C12orf56: variants seen among roughly 807,000 people sequenced by gnomAD.
The protein encoded by C12orf56 is uncharacterized protein C12orf56.
C12orf56 carries 71 observed loss-of-function variants against 69.9 expected under a neutral mutation model. The ratio of observed to expected loss-of-function variants is 1.02; its 90% CI spans 0.84 to 1.24. The LOEUF (loss-of-function observed/expected upper bound fraction) is 1.24, where lower values mean the gene tolerates loss of function less well. Among genes scored for constraint, C12orf56 ranks in the 50% most tolerant of loss-of-function variants. The pLI, the probability that C12orf56 is intolerant of heterozygous loss-of-function variation, is 0.00. For missense variants in C12orf56, 732 were observed against 738.5 expected (o/e 0.99, Z 0.10); for synonymous variants, 276 against 274.1 (o/e 1.01, Z -0.07).
At chr12:64,377,293 C>T (rs1488715705) in intron 1 of C12orf56, among the ~76,000 whole-genome samples, 2 of 149,542 alleles carry the variant, frequency 1.3e-5, no homozygotes, top group East Asian at 2.0e-4. Flanking sequence ...TGGATTCAAA[C>T]GATTCTCAGC....
chr12:64,277,000 A>T (rs1407405873), intron 9 of C12orf56, among the ~76,000 whole-genome samples: 1 of 89,374 alleles, frequency 1.1e-5, no homozygotes. Context: ...TCTTAAAAAA[A>T]AAAAAAAAAA....
At chr12:64,269,568 A>T (rs2037955079) in intron 12 of C12orf56, among the ~76,000 whole-genome samples, 1 of 150,486 alleles carries the variant, frequency 6.6e-6, no homozygotes, top group Non-Finnish European at 1.5e-5. Flanking sequence ...ATAATTTATT[A>T]TCCTCTTCAG....
chr12:64,316,163 T>C (rs754119004), intron 4 of C12orf56, among the ~76,000 whole-genome samples: 3 of 152,080 alleles, frequency 2.0e-5, no homozygotes, highest in Non-Finnish European at 4.4e-5. Flanking sequence ...GGAGTGCAAG[T>C]GGCACAATCT....
intron 1 of C12orf56, 30 bp downstream of exon 1, chr12:64,390,284 C>T (rs770674395): frequency 6.3e-7 from 1 of 1,575,442 alleles, no homozygotes; most frequent in Non-Finnish European, 8.6e-7. Context: ...ACTGCGCTCC[C>T]GAGCCCGCCT....
At chr12:64,313,562 T>C (rs2038651088) in intron 4 of C12orf56, among the ~76,000 whole-genome samples, 1 of 151,374 alleles carries the variant, frequency 6.6e-6, no homozygotes, top group South Asian at 2.1e-4. Context: ...TTTTTAAAAG[T>C]ATCTATCGTC....
chr12:64,333,660 C>A (rs1239061291), intron 2 of C12orf56, among the ~76,000 whole-genome samples: 1 of 152,148 alleles, frequency 6.6e-6, no homozygotes, highest in Admixed American at 6.5e-5. Flanking sequence ...TGCCACCATG[C>A]CCAGCTAATT....
intron 1 of C12orf56, among the ~76,000 whole-genome samples, chr12:64,356,468 G>C (rs1391008020): frequency 6.6e-6 from 1 of 152,180 alleles, no homozygotes; most frequent in Admixed American, 6.5e-5. Flanking sequence ...TCTTATTCCT[G>C]ATGCAGGTAG....
chr12:64,311,969 T>A (rs1000952333), intron 5 of C12orf56, among the ~76,000 whole-genome samples: 3 of 152,088 alleles, frequency 2.0e-5, no homozygotes, highest in African/African-American at 7.2e-5. Flanking sequence ...TGGAAAGAAG[T>A]GGATGTTATC....
At chr12:64,324,258 A>G (rs1565756499) in intron 3 of C12orf56, among the ~76,000 whole-genome samples, 1 of 152,238 alleles carries the variant, frequency 6.6e-6, no homozygotes, top group Non-Finnish European at 1.5e-5. Context: ...TCAGTGCACA[A>G]GAATATCTAG....
At chr12:64,384,524 T>A (rs529931137) in intron 1 of C12orf56, among the ~76,000 whole-genome samples, 1 of 152,278 alleles carries the variant, frequency 6.6e-6, no homozygotes, top group Non-Finnish European at 1.5e-5. Context: ...AAACTGTTCA[T>A]GGCAAGCAAG....
rs536304737 is a variant in C12orf56 at position 64,379,227 on chromosome 12, G to A, written c.252+11087C>T. On this transcript the variant is annotated intron_variant, in intron 1 of 12. Transcript: ENST00000543942. ...CCTTACAATCACTGGGAATATAGTA[G>A]TGAATCAAATTGACAAGATGCCTGC... Among the ~76,000 whole-genome samples, 23 of 152,184 alleles carry A rather than the reference G, an allele frequency of 1.5e-4. No individual in the cohort carries two copies. The South Asian group carries it at 2.3e-3, about 15-fold the overall frequency.
Position 64,318,659 on chromosome 12 carries a change from C to T in C12orf56, c.810G>A (p.Lys270=), listed in dbSNP as rs777433861. The part of the protein sequence containing the change: ...PSQSNSNLEK[K]ESELHLYVIS... Reference sequence around the variant, plus strand: ...TAACATACAAATGAAGTTCTGACTCCTTTTTCTCTAAATTTGAGTTGCTCT... The same window carrying T: ...TAACATACAAATGAAGTTCTGACTCTTTTTTCTCTAAATTTGAGTTGCTCT... Residue 270 remains lysine (K), a synonymous_variant, in exon 4 of 13, where the codon AAG becomes AAA. Transcript: ENST00000543942. The T allele has an allele frequency of 2.1e-5, 32 of 1,536,970 alleles. No individual in the cohort carries two copies. Among genetic ancestry groups the T allele is most frequent in the Middle Eastern group, 1.7e-4 (1 of 5,990 alleles).
At chr12:64,308,944 A>AAAGAAAGAAAG (rs2038565029) in intron 5 of C12orf56, among the ~76,000 whole-genome samples, 4 of 46,686 alleles carry the variant, frequency 8.6e-5, no homozygotes, top group Admixed American at 2.1e-4. Flanking sequence ...AAGAAAGAAG[A>AAAGAAAGAAAG]AAGAAAGAAA....
chr12:64,353,134 C>T, intron 1 of C12orf56, 78 bp from the exon 2 acceptor site: 2 of 1,423,516 alleles, frequency 1.4e-6, no homozygotes, highest in Admixed American at 2.2e-5. Context: ...TCCCCCAAAG[C>T]TAACAGCAAG....
At chr12:64,275,653 A>C (rs1267857060) in intron 9 of C12orf56, among the ~76,000 whole-genome samples, 2 of 152,130 alleles carry the variant, frequency 1.3e-5, no homozygotes, top group East Asian at 3.9e-4. Flanking sequence ...TTTTTTGTAG[A>C]GATGAGGTCT....
chr12:64,278,851 T>C (rs1432996542), intron 8 of C12orf56, among the ~76,000 whole-genome samples: 1 of 152,202 alleles, frequency 6.6e-6, no homozygotes, highest in African/African-American at 2.4e-5. Flanking sequence ...ATGCATGAAC[T>C]CAAAAGTCAA....
intron 1 of C12orf56, among the ~76,000 whole-genome samples, chr12:64,367,533 C>A (rs1288101475): frequency 2.0e-5 from 3 of 149,264 alleles, no homozygotes; most frequent in East Asian, 2.0e-4. Flanking sequence ...TGAGACAGAG[C>A]CTTGCTCTGT....
intron 1 of C12orf56, among the ~76,000 whole-genome samples, chr12:64,372,395 T>C (rs897994715): frequency 2.0e-5 from 3 of 152,214 alleles, no homozygotes; most frequent in Admixed American, 1.3e-4. Context: ...TTGAAAGTAT[T>C]CCATGGCAAT....
chr12:64,330,921 G>A lies in C12orf56; in HGVS notation c.488+39C>T, dbSNP rs947262090. The A allele has an allele frequency of 8.2e-6, 12 of 1,461,708 alleles. No individual in the cohort carries two copies. The African/African-American group carries it at 1.0e-4, about 12-fold the overall frequency. The allele number at this position is 1,461,708 out of a possible 1,614,324, so 90.5% of individuals were successfully genotyped here. On this transcript the variant is annotated intron_variant, in intron 3 of 12. Coordinates refer to ENST00000543942, the MANE Select transcript of C12orf56 (RefSeq NM_001170633.2). ...CAAGTTACAATGTAAAAATGTTTTGGTTAGCAAGTTAAACACATACTCCAA... is the reference window on the plus strand; with the variant it reads ...CAAGTTACAATGTAAAAATGTTTTGATTAGCAAGTTAAACACATACTCCAA...
Sources: gnomAD v4.1 joint callset for allele counts (sites outside exome capture counted in the v4.1 genomes callset) on GRCh38, gnomAD v4.1.1 for gene constraint, MANE v1.5 for transcripts, NCBI Gene and HGNC (gene_info 2026-07-23, HGNC 2026-07-21) for gene names.